The following ZNF782 variants were observed in gnomAD, a reference collection of about 807,000 sequenced individuals.
The protein encoded by ZNF782 is zinc finger protein 782.
ZNF782 carries 12 observed loss-of-function variants against 13.0 expected under a neutral mutation model. The observed-to-expected ratio is 0.92, with a 90% CI of 0.59 to 1.50. The LOEUF (loss-of-function observed/expected upper bound fraction) is 1.50, where lower values mean the gene tolerates loss of function less well. Ranked by LOEUF, ZNF782 falls within the 40% of genes most tolerant of loss-of-function variation. The pLI, the probability that ZNF782 is intolerant of heterozygous loss-of-function variation, is 0.00. For synonymous variants in ZNF782, 284 were observed against 283.0 expected (o/e 1.00, Z -0.04); for missense variants, 770 against 822.9 (o/e 0.94, Z 0.79).
chr9:96,835,283 A>G (rs887519221), intron 4 of ZNF782, among the ~76,000 whole-genome samples: 3 of 152,214 alleles, frequency 2.0e-5, no homozygotes, highest in African/African-American at 4.8e-5. Context: ...TATAATTTAA[A>G]AGGAAGCAAA....
intron 1 of ZNF782, among the ~76,000 whole-genome samples, chr9:96,862,029 G>T (rs781773431): frequency 1.3e-5 from 2 of 152,162 alleles, no homozygotes; most frequent in Non-Finnish European, 2.9e-5. Flanking sequence ...ATCAACAGAT[G>T]AGTAGCCAAA....
At chr9:96,841,358 A>C (rs1315739251) in intron 4 of ZNF782, among the ~76,000 whole-genome samples, 1 of 152,000 alleles carries the variant, frequency 6.6e-6, no homozygotes, top group Admixed American at 6.5e-5. Context: ...CTTCCAGAAA[A>C]TTGGAAGGAA....
the ZNF782 span, among the ~76,000 whole-genome samples, chr9:96,899,344 C>A: frequency 4.0e-5 from 6 of 151,740 alleles, no homozygotes; most frequent in Non-Finnish European, 7.4e-5. Context: ...TGCTAAATAT[C>A]TTTTCATGTG....
At position 96,816,303 on chromosome 9, in the gene ZNF782, G is replaced by A. The variant is rs551425795; in HGVS notation, c.*1620C>T. Among the ~76,000 whole-genome samples the A allele has an allele frequency of 6.6e-6, 1 of 152,264 alleles. No homozygotes were observed. Among genetic ancestry groups the A allele is most frequent in the East Asian group, 1.9e-4 (1 of 5,188 alleles). On this transcript the variant is annotated 3_prime_UTR_variant, in exon 6 of 6. Transcript: ENST00000481138. ...AAAGGTTTGTTATTAATATTCATGT[G>A]GCAAATTGTAGCTGATGTCAAAGTA...
chr9:96,883,783 A>G, the ZNF782 span, among the ~76,000 whole-genome samples: 1 of 152,232 alleles, frequency 6.6e-6, no homozygotes, highest in South Asian at 2.1e-4. Context: ...AACTCTGAAA[A>G]GATACATGGA....
chr9:96,840,430 A>G (rs1418308140), intron 4 of ZNF782, among the ~76,000 whole-genome samples: 2 of 152,038 alleles, frequency 1.3e-5, no homozygotes, highest in African/African-American at 2.4e-5. Flanking sequence ...AAAAAGTAAA[A>G]AAGAGAGTTC....
the ZNF782 span, chr9:96,910,069 C>T: frequency 1.0e-5 from 6 of 596,342 alleles, no homozygotes; most frequent in Non-Finnish European, 2.0e-5. Flanking sequence ...CACCGGCGTG[C>T]CCCACCATGT....
chr9:96,888,985 C>CA, the ZNF782 span: 2 of 152,228 alleles, frequency 1.3e-5, no homozygotes, highest in Non-Finnish European at 2.9e-5. Flanking sequence ...TTCTGATCCT[C>CA]AAGAGCTTTT....
intron 5 of ZNF782, among the ~76,000 whole-genome samples, chr9:96,823,375 C>T (rs1178773620): frequency 6.6e-6 from 1 of 152,182 alleles, no homozygotes; most frequent in Non-Finnish European, 1.5e-5. Flanking sequence ...TAATATGTTT[C>T]CATTTTTCCT....
chr9:96,926,710 A>C, the ZNF782 span, among the ~76,000 whole-genome samples: 1 of 152,130 alleles, frequency 6.6e-6, no homozygotes, highest in Admixed American at 6.5e-5. Context: ...CAAGGAGGGG[A>C]GAACCCTGGG....
At chr9:96,834,420 C>T (rs965802253) in intron 4 of ZNF782, among the ~76,000 whole-genome samples, 1 of 152,156 alleles carries the variant, frequency 6.6e-6, no homozygotes, top group Non-Finnish European at 1.5e-5. Flanking sequence ...ATATATTACC[C>T]AGTCTCAGGT....
exon 1 of ZNF782, chr9:96,875,579 T>C: frequency 2.2e-6 from 1 of 456,682 alleles, no homozygotes; most frequent in Non-Finnish European, 4.4e-6. Flanking sequence ...ATAAACGGGC[T>C]CTCCTCTGCC....
At chr9:96,886,872 A>C in the ZNF782 span, among the ~76,000 whole-genome samples, 1 of 149,322 alleles carries the variant, frequency 6.7e-6, no homozygotes, top group Non-Finnish European at 1.5e-5. Flanking sequence ...GCAGTGAGCC[A>C]GGATGCGTCA....
the ZNF782 span, among the ~76,000 whole-genome samples, chr9:96,909,603 G>C: frequency 3.8e-4 from 58 of 151,250 alleles, no homozygotes; most frequent in African/African-American, 1.1e-3. Context: ...CTCCTTTCCA[G>C]GTCTGTTAGA....
chr9:96,879,459 C>T (rs1382845011), upstream of ZNF782, among the ~76,000 whole-genome samples: 1 of 152,110 alleles, frequency 6.6e-6, no homozygotes, highest in Non-Finnish European at 1.5e-5. Context: ...GCCCAGATCG[C>T]GCCACTGCAC....
the ZNF782 span, chr9:96,902,891 C>G: frequency 1.8e-4 from 27 of 151,148 alleles, no homozygotes; most frequent in African/African-American, 5.9e-4. Context: ...CAGCCTCCCC[C>G]TCCTGGGTTC....
At chr9:96,840,556 G>C (rs1349649509) in intron 4 of ZNF782, among the ~76,000 whole-genome samples, 3 of 151,818 alleles carry the variant, frequency 2.0e-5, no homozygotes, top group African/African-American at 7.3e-5. Flanking sequence ...GAAAATTAAG[G>C]CTGTGCTATT....
At chr9:96,833,305 G>C (rs190535614) in intron 4 of ZNF782, among the ~76,000 whole-genome samples, 1 of 152,170 alleles carries the variant, frequency 6.6e-6, no homozygotes, top group Admixed American at 6.5e-5. Context: ...TTTATTCAGA[G>C]CTCCTTTTTA....
At chr9:96,930,920 A>T in the ZNF782 span, among the ~76,000 whole-genome samples, 1 of 81,338 alleles carries the variant, frequency 1.2e-5, no homozygotes, top group Non-Finnish European at 2.1e-5. Flanking sequence ...TTTGAGACGG[A>T]GTCTCGCTCT....
Sources: allele counts gnomAD v4.1 joint callset (sites outside exome capture counted in the v4.1 genomes callset), GRCh38; gene constraint gnomAD v4.1.1; transcripts MANE v1.5; gene names NCBI Gene and HGNC (gene_info 2026-07-23, HGNC 2026-07-21).